The following NREP variants were observed in gnomAD, a reference collection of about 807,000 sequenced individuals.
NREP encodes neuronal regeneration-related protein.
NREP carries 5 observed loss-of-function variants against 8.6 expected under a neutral mutation model. That is an observed-to-expected ratio of 0.58 (90% CI 0.30 to 1.22). NREP has a LOEUF of 1.22. Ranked by LOEUF, NREP falls within the 50% of genes most tolerant of loss-of-function variation. NREP has a pLI of 0.07. For missense variants in NREP, 86 were observed against 82.5 expected (o/e 1.04, Z -0.17); for synonymous variants, 27 against 28.0 (o/e 0.96, Z 0.11).
intron 2 of NREP, among the ~76,000 whole-genome samples, chr5:111,804,806 C>T (rs1752101721): frequency 6.6e-6 from 1 of 152,066 alleles, no homozygotes. Flanking sequence ...TAGAGACCAT[C>T]CTGGCTAACA....
chr5:111,772,341 T>C (rs983855990), intron 2 of NREP, among the ~76,000 whole-genome samples: 3 of 152,158 alleles, frequency 2.0e-5, no homozygotes, highest in Non-Finnish European at 4.4e-5. Flanking sequence ...TCTTCAGTAG[T>C]TTTGAAATAC....
intron 2 of NREP, among the ~76,000 whole-genome samples, chr5:111,821,122 C>T (rs913176495): frequency 2.0e-5 from 3 of 152,154 alleles, no homozygotes; most frequent in African/African-American, 7.2e-5. Flanking sequence ...TAGCCTTAGA[C>T]CCAGGGCCAC....
intron 2 of NREP, among the ~76,000 whole-genome samples, chr5:111,941,426 T>G (rs1432074124): frequency 6.6e-6 from 1 of 152,070 alleles, no homozygotes; most frequent in East Asian, 1.9e-4. Context: ...TGATTTCTTC[T>G]GAGGCCTCTC....
intron 1 of NREP, chr5:111,976,582 T>C (rs557356457): frequency 2.2e-5 from 15 of 689,580 alleles, no homozygotes; most frequent in Middle Eastern, 4.2e-4. Context: ...AGTCAAAACA[T>C]CCTTCAAGCA....
intron 2 of NREP, among the ~76,000 whole-genome samples, chr5:111,872,654 G>A (rs923631639): frequency 3.3e-5 from 5 of 152,066 alleles, no homozygotes; most frequent in African/African-American, 1.2e-4. Context: ...ACAAGGTATG[G>A]TTAGAACACC....
intron 2 of NREP, among the ~76,000 whole-genome samples, chr5:111,875,085 T>C (rs970190047): frequency 6.6e-6 from 1 of 152,120 alleles, no homozygotes; most frequent in Non-Finnish European, 1.5e-5. Context: ...TGGAGAAAGA[T>C]CAAAAATGGG....
At chr5:111,731,931 T>C (rs574201594) in intron 3 of NREP, 45 of 152,420 alleles carry the variant, frequency 3.0e-4, no homozygotes, top group African/African-American at 8.9e-4. Context: ...TGATGCACAA[T>C]ACAGGTATTC....
intron 2 of NREP, among the ~76,000 whole-genome samples, chr5:111,886,999 TA>T (rs35853357): frequency 0.12 from 17,069 of 144,488 alleles, 1,493 homozygotes; most frequent in African/African-American, 0.25. Flanking sequence ...ATAGAAAAAA[TA>T]AAAAAAAAAA....
chr5:111,972,055 C>A (rs904101907), intron 2 of NREP, among the ~76,000 whole-genome samples: 2 of 151,756 alleles, frequency 1.3e-5, no homozygotes, highest in Admixed American at 1.3e-4. Flanking sequence ...AACAAATAAC[C>A]CTATTTAAAA....
Position 111,955,496 on chromosome 5 carries a change from CA to C in NREP, c.135+19777del, listed in dbSNP as rs70973621. ...AAAAAAAAAAACAAAAAACAAAAAA[CA>C]AAAAAAAAAAACACATTCGGTTCTA... On this transcript the variant is annotated intron_variant, in intron 2 of 3. Transcript: ENST00000395634. 1.3e-3 allele frequency among the ~76,000 whole-genome samples: 181 copies of C among 140,978 alleles called. 2 individuals carry two copies. The East Asian group carries it at 0.02, about 15-fold the overall frequency. The allele number at this position is 140,978 out of a possible 152,430, so 92.5% of individuals were successfully genotyped here.
intron 2 of NREP, among the ~76,000 whole-genome samples, chr5:111,752,229 A>G (rs1750406402): frequency 6.6e-6 from 1 of 152,180 alleles, no homozygotes; most frequent in Admixed American, 6.5e-5. Flanking sequence ...ACAGCTGTTT[A>G]TTCTAAGATT....
chr5:111,975,485 TC>T, intron 1 of NREP: 2 of 740,996 alleles, frequency 2.7e-6, no homozygotes, highest in Non-Finnish European at 4.6e-6. Context: ...TGTTCTCATT[TC>T]TAAAATGAGA....
At position 111,889,930 on chromosome 5, in the gene NREP, C is replaced by G. The variant is rs530686132; in HGVS notation, c.135+85344G>C. Reference sequence around the variant, plus strand: ...TGGGGAGGTTCTGATATTCATTGTCCAGGAGAAGGAATTTCACAAGGTCAA... The same window carrying G: ...TGGGGAGGTTCTGATATTCATTGTCGAGGAGAAGGAATTTCACAAGGTCAA... On this transcript the variant is annotated intron_variant, in intron 2 of 3. Coordinates refer to the NREP transcript ENST00000395634. Among the ~76,000 whole-genome samples the G allele has an allele frequency of 5.3e-5, 8 of 152,174 alleles. No individual in the cohort carries two copies. In the South Asian group the frequency reaches 1.7e-3, roughly 32 times the overall value.
intron 2 of NREP, among the ~76,000 whole-genome samples, chr5:111,889,321 A>C (rs562473044): frequency 4.9e-4 from 75 of 152,302 alleles, no homozygotes; most frequent in Non-Finnish European, 8.7e-4. Context: ...AGATCTCATG[A>C]TAACTCACTC....
At chr5:111,881,126 T>C (rs1175729318) in intron 2 of NREP, among the ~76,000 whole-genome samples, 2 of 151,446 alleles carry the variant, frequency 1.3e-5, no homozygotes, top group African/African-American at 4.8e-5. Flanking sequence ...CCCACTCTAA[T>C]ACTGTGCTTT....
intron 2 of NREP, among the ~76,000 whole-genome samples, chr5:111,855,788 A>T (rs1753413110): frequency 6.6e-6 from 1 of 152,162 alleles, no homozygotes; most frequent in Non-Finnish European, 1.5e-5. Context: ...CAGGACCAGG[A>T]CAAATCACAC....
At position 111,735,401 on chromosome 5, in the gene NREP, G is replaced by A. The variant is rs1191548322; in HGVS notation, c.81+29C>T. The A allele has an allele frequency of 4.8e-6, 7 of 1,455,540 alleles. No homozygotes were observed. In the South Asian group the frequency reaches 6.9e-5, roughly 14 times the overall value. The allele number at this position is 1,455,540 out of a possible 1,614,324, so 90.2% of individuals were successfully genotyped here. ...CAATTGTTTCTATATTGAAAATAGT[G>A]TTAACAATATGGCATCTAAGGATCT... On this transcript the variant is annotated intron_variant, in intron 3 of 3. Coordinates refer to ENST00000257435, the MANE Select transcript of NREP (RefSeq NM_004772.4).
At chr5:111,876,317 C>T (rs1753908163) in intron 2 of NREP, among the ~76,000 whole-genome samples, 1 of 152,120 alleles carries the variant, frequency 6.6e-6, no homozygotes, top group Admixed American at 6.5e-5. Flanking sequence ...GACTCTTTTG[C>T]CCTCACTATC....
At chr5:111,765,211 G>T (rs180880309) in intron 2 of NREP, among the ~76,000 whole-genome samples, 182 of 152,270 alleles carry the variant, frequency 1.2e-3, no homozygotes, top group African/African-American at 4.3e-3. Context: ...TCCCTCATTT[G>T]TGCAGTTCAC....
Sources: gnomAD v4.1 joint callset for allele counts (sites outside exome capture counted in the v4.1 genomes callset) on GRCh38, gnomAD v4.1.1 for gene constraint, MANE v1.5 for transcripts, NCBI Gene and HGNC (gene_info 2026-07-23, HGNC 2026-07-21) for gene names.